MAGI2: variants seen among roughly 807,000 people sequenced by gnomAD.
MAGI2 encodes the protein membrane-associated guanylate kinase, WW and PDZ domain-containing protein 2.
Under a neutral mutation model 133.3 loss-of-function variants are expected in MAGI2, and 35 were observed. That is an observed-to-expected ratio of 0.26 (90% confidence interval 0.20 to 0.35). The LOEUF is 0.35. Among genes scored for constraint, MAGI2 ranks in the 10% least tolerant of loss-of-function variants. The probability of loss-of-function intolerance (pLI) is 1.00; values close to 1 mark genes in which losing one functional copy is unlikely to be tolerated. For missense variants in MAGI2, 1,636 were observed against 1,863.4 expected (o/e 0.88, Z 2.25); for synonymous variants, 729 against 710.6 (o/e 1.03, Z -0.41).
At chr7:79,023,989 A>T (rs761303326) in intron 1 of MAGI2, among the ~76,000 whole-genome samples, 9 of 152,198 alleles carry the variant, frequency 5.9e-5, no homozygotes, top group Admixed American at 2.6e-4. Context: ...AAAAAATTTT[A>T]AATTCATATG....
At chr7:78,072,658 A>G (rs1585016793) in intron 21 of MAGI2, 1 of 366,540 alleles carries the variant, frequency 2.7e-6, no homozygotes, top group African/African-American at 2.1e-5. Flanking sequence ...TTATAATGGC[A>G]TACTTATAAC....
chr7:78,557,579 A>G (rs1799960808), intron 3 of MAGI2, among the ~76,000 whole-genome samples: 1 of 152,144 alleles, frequency 6.6e-6, no homozygotes, highest in Non-Finnish European at 1.5e-5. Context: ...CCACTCTTCT[A>G]GCAAGCTCCT....
chr7:79,348,591 T>C (rs528236359), intron 1 of MAGI2, among the ~76,000 whole-genome samples: 4 of 151,980 alleles, frequency 2.6e-5, no homozygotes, highest in African/African-American at 7.2e-5. Flanking sequence ...GTGTGTTGAA[T>C]ACTAATTTTA....
At chr7:78,115,132 G>T (rs1819732185) in intron 20 of MAGI2, among the ~76,000 whole-genome samples, 1 of 152,194 alleles carries the variant, frequency 6.6e-6, no homozygotes, top group Non-Finnish European at 1.5e-5. Context: ...AAGTACAAAA[G>T]GCAGCTTGTA....
At chr7:79,307,944 T>A (rs1311674980) in intron 1 of MAGI2, among the ~76,000 whole-genome samples, 1 of 152,206 alleles carries the variant, frequency 6.6e-6, no homozygotes, top group Non-Finnish European at 1.5e-5. Context: ...CTTTCCTCTT[T>A]AACCACCATA....
intron 10 of MAGI2, among the ~76,000 whole-genome samples, chr7:78,212,657 A>G (rs78498321): frequency 0.026 from 3,939 of 152,328 alleles, 177 homozygotes; most frequent in African/African-American, 0.089. Context: ...TAAGGAATGT[A>G]TTATGGTAGC....
At chr7:78,373,500 C>A (rs1794133676) in intron 6 of MAGI2, among the ~76,000 whole-genome samples, 1 of 152,092 alleles carries the variant, frequency 6.6e-6, no homozygotes, top group Non-Finnish European at 1.5e-5. Flanking sequence ...TTTTAGAAGT[C>A]TAAAATAGCA....
intron 1 of MAGI2, among the ~76,000 whole-genome samples, chr7:79,039,955 TG>T (rs1165090133): frequency 1.3e-5 from 2 of 151,058 alleles, no homozygotes; most frequent in African/African-American, 4.9e-5. Flanking sequence ...TGGATGAGCC[TG>T]GAGGACATTA....
chr7:78,060,680 A>T (rs1281888113), intron 21 of MAGI2, among the ~76,000 whole-genome samples: 1 of 152,210 alleles, frequency 6.6e-6, no homozygotes, highest in African/African-American at 2.4e-5. Flanking sequence ...ATCTTGAAGG[A>T]GGACAAGATT....
chr7:78,491,219 G>T (rs1324589183), intron 5 of MAGI2, among the ~76,000 whole-genome samples: 2 of 152,006 alleles, frequency 1.3e-5, no homozygotes, highest in Admixed American at 1.3e-4. Context: ...CTTCTTAATG[G>T]AGGAACTTTC....
At chr7:78,519,212 C>G (rs1487329323) in intron 4 of MAGI2, 1 of 149,214 alleles carries the variant, frequency 6.7e-6, no homozygotes, top group East Asian at 2.0e-4. Context: ...GTCAAAGAAA[C>G]TCCTAAAGTC....
At position 78,019,916 on chromosome 7, in the gene MAGI2, A is replaced by C; in HGVS notation, c.3767T>G (p.Val1256Gly). The C allele has an allele frequency of 1.2e-6, 2 of 1,610,092 alleles. No individual in the cohort carries two copies. The highest frequency in any genetic ancestry group is 1.7e-6 in the Non-Finnish European group (2 of 1,178,620). Reference protein sequence around the residue: ...AAAPGLPEVGVSLDDGLAPFS... With the variant: ...AAAPGLPEVGGSLDDGLAPFS... ...TGGAGCGAGGCCGTCGTCCAGGGAG[A>C]CGCCTACTTCCGGCAGACCTGGGGC... Residue 1256 changes from valine (V) to glycine (G), a missense_variant, in exon 22 of 22, where the codon GTC (valine) becomes GGC (glycine). Physicochemically the swap from Val to Gly is moderately radical, Grantham distance 109 (BLOSUM62 -3). Coordinates refer to ENST00000354212, the MANE Select transcript of MAGI2 (RefSeq NM_012301.4).
At chr7:78,940,173 C>G (rs1211256959) in intron 2 of MAGI2, among the ~76,000 whole-genome samples, 1 of 152,052 alleles carries the variant, frequency 6.6e-6, no homozygotes, top group Non-Finnish European at 1.5e-5. Context: ...AGATAACAAG[C>G]CCTTTAAACT....
intron 1 of MAGI2, among the ~76,000 whole-genome samples, chr7:79,037,172 AG>A (rs1346785860): frequency 6.6e-6 from 1 of 152,202 alleles, no homozygotes; most frequent in Non-Finnish European, 1.5e-5. Context: ...TAACTAAAAC[AG>A]CTTTCCCAAA....
At chr7:79,312,459 T>C (rs1456805041) in intron 1 of MAGI2, among the ~76,000 whole-genome samples, 1 of 152,212 alleles carries the variant, frequency 6.6e-6, no homozygotes, top group Admixed American at 6.5e-5. Context: ...ATTTTCCATC[T>C]TTACTCAAAT....
At chr7:78,266,882 C>T (rs1300477933) in intron 9 of MAGI2, among the ~76,000 whole-genome samples, 1 of 152,108 alleles carries the variant, frequency 6.6e-6, no homozygotes, top group African/African-American at 2.4e-5. Context: ...AAAAAACCCT[C>T]TTTTATGACT....
At chr7:78,748,927 T>C (rs565359696) in intron 2 of MAGI2, among the ~76,000 whole-genome samples, 1 of 152,330 alleles carries the variant, frequency 6.6e-6, no homozygotes, top group Non-Finnish European at 1.5e-5. Flanking sequence ...ATATTCATGC[T>C]GCTATTATTC....
chr7:78,912,792 TATCA>T (rs1227001719), intron 2 of MAGI2, among the ~76,000 whole-genome samples: 2 of 146,954 alleles, frequency 1.4e-5, no homozygotes, highest in Admixed American at 1.4e-4. Flanking sequence ...CATATATATA[TATCA>T]TTCATATATA....
chr7:78,794,895 G>GA (rs944251567), intron 2 of MAGI2, among the ~76,000 whole-genome samples: 21 of 151,150 alleles, frequency 1.4e-4, no homozygotes, highest in East Asian at 3.9e-4. Context: ...TATTCCTAAT[G>GA]AAAAAAAAAT....
Sources: gnomAD v4.1 joint callset for allele counts (sites outside exome capture counted in the v4.1 genomes callset) on GRCh38, gnomAD v4.1.1 for gene constraint, MANE v1.5 for transcripts, NCBI Gene and HGNC (gene_info 2026-07-23, HGNC 2026-07-21) for gene names.